Variants in CPSF1 observed in about 807,000 individuals in gnomAD.
CPSF1 encodes cleavage and polyadenylation specificity factor subunit 1.
Under a neutral mutation model 175.8 loss-of-function variants are expected in CPSF1, and 106 were observed. The observed-to-expected ratio is 0.60, with a 90% CI of 0.52 to 0.71. The LOEUF is 0.71. CPSF1 is among the 30% of genes least tolerant of loss of function. CPSF1 has a pLI of 0.00. For missense variants in CPSF1, 1,734 were observed against 2,022.9 expected (o/e 0.86, Z 2.74); for synonymous variants, 1,024 against 858.3 (o/e 1.19, Z -3.37).
Position 144,400,935 on chromosome 8 carries a change from G to A in CPSF1, c.528C>T (p.Leu176=), listed in dbSNP as rs2116879838. Residue 176 remains leucine, a synonymous_variant, in exon 6 of 38, where the codon CTC becomes CTT. Transcript: ENST00000616140. ...RESLAEEHEG[L]VGEGQRSSFL... is the part of the protein sequence containing the mutation. ...CAGCTGGCACTCACCCCTCACCCAC[G>A]AGCCCCTCGTGCTCCTCAGCCAGGC... 1.3e-5 allele frequency: 21 copies of A among 1,604,122 alleles called. No homozygotes were observed. The East Asian group carries it at 1.3e-4, about 10-fold the overall frequency.
Position 144,399,984 on chromosome 8 carries a change from G to C in CPSF1, c.1031+8C>G, listed in dbSNP as rs1340612342. On this transcript the variant is annotated splice_region_variant and intron_variant, in intron 10 of 37. Coordinates refer to ENST00000616140, the MANE Select transcript of CPSF1 (RefSeq NM_013291.3). The surrounding 1 kb of genome is among the most constrained non-coding windows in gnomAD (Gnocchi z 6.4). ...TGGGCAGAGTTCATGGGCGGGGGAG[G>C]GGCTCACATCTCGCCGCCCTTGAGG... 2 of 1,610,766 alleles carry C rather than the reference G, an allele frequency of 1.2e-6. No individual in the cohort carries two copies. Among genetic ancestry groups the C allele is most frequent in the Non-Finnish European group, 1.7e-6 (2 of 1,179,004 alleles).
intron 2 of CPSF1, among the ~76,000 whole-genome samples, chr8:144,404,842 G>T (rs1252331595): frequency 6.6e-6 from 1 of 151,472 alleles, no homozygotes; most frequent in Non-Finnish European, 1.5e-5. Context: ...GGATCACGGG[G>T]TCAGGCGATC....
At chr8:144,402,913 G>C (rs1554867794) in intron 2 of CPSF1, among the ~76,000 whole-genome samples, 2 of 152,154 alleles carry the variant, frequency 1.3e-5, no homozygotes, top group Admixed American at 1.3e-4. Flanking sequence ...CAGGGGTATT[G>C]TAACACAACT....
intron 2 of CPSF1, among the ~76,000 whole-genome samples, chr8:144,404,132 A>G (rs1256385786): frequency 6.6e-6 from 1 of 151,758 alleles, no homozygotes; most frequent in African/African-American, 2.4e-5. Context: ...CTAAGGCAGG[A>G]GAATCGCTTG....
chr8:144,401,958 G>C (rs1422510311), intron 2 of CPSF1, among the ~76,000 whole-genome samples: 1 of 152,204 alleles, frequency 6.6e-6, no homozygotes, highest in African/African-American at 2.4e-5. Flanking sequence ...CAAGCACTCA[G>C]GGTTAGAGTG....
intron 2 of CPSF1, among the ~76,000 whole-genome samples, chr8:144,406,159 A>G (rs2116904418): frequency 5.8e-4 from 1 of 1,720 alleles, no homozygotes; most frequent in East Asian, 0.25. Context: ...CCCGTTTCTT[A>G]AAAACAAAAA....
chr8:144,394,719 G>A lies in CPSF1; in HGVS notation c.3492C>T (p.Tyr1164=), dbSNP rs782055023. 3.9e-5 allele frequency: 63 copies of A among 1,613,314 alleles called. No homozygotes were observed. The highest frequency in any genetic ancestry group is 3.6e-5 in the Non-Finnish European group (42 of 1,179,912). The change falls in exon 31 of 38, where the codon TAC becomes TAT. Residue 1164 remains tyrosine, a synonymous_variant. Coordinates refer to ENST00000616140, the MANE Select transcript of CPSF1 (RefSeq NM_013291.3). ...TCACGGGCCCCTTCTGCTCCTTCTC[G>A]TAAAGGACTTTGAACTTGTTCTTGG... ...PLTKNKFKVL[Y]EKEQKGPVTA...
chr8:144,395,207 A>G, intron 28 of CPSF1, 25 bp from the exon 29 acceptor site: 2 of 1,612,682 alleles, frequency 1.2e-6, no homozygotes, highest in East Asian at 2.2e-5. Flanking sequence ...GGTGACAGTC[A>G]GAGTAGGGCT....
At position 144,399,284 on chromosome 8, in the gene CPSF1, AG is replaced by A; in HGVS notation, c.1383del (p.Ser462ProfsTer9). 1 of 1,612,398 alleles carries A rather than the reference AG, an allele frequency of 6.2e-7. No individual in the cohort carries two copies. Among genetic ancestry groups the A allele is most frequent in the Non-Finnish European group, 8.5e-7 (1 of 1,179,942 alleles). On this transcript the variant is annotated frameshift_variant, in exon 14 of 38. Transcript: ENST00000616140. LOFTEE classifies it high-confidence loss of function. The surrounding 1 kb of genome is among the most constrained non-coding windows in gnomAD (Gnocchi z 6.4). The stretch of plus-strand genomic sequence containing the variant: ...TGCTGCCTCAATCTCACCTCAAAGG[AG>A]TAGGTGGCCAGCTGTGTTCCCGACT... ...EAQSGTQLAT[Y>X]SFEVCDSILN...
rs1180081396 is a variant in CPSF1 at position 144,395,296 on chromosome 8, G to A, written c.3156C>T (p.Gly1052=). 6.2e-7 allele frequency: 1 copy of A among 1,613,304 alleles called. No individual in the cohort carries two copies. Among genetic ancestry groups the A allele is most frequent in the Non-Finnish European group, 8.5e-7 (1 of 1,179,960 alleles). The change falls in exon 28 of 38, where the codon GGC becomes GGT. Residue 1052 remains glycine (G), a synonymous_variant. Transcript: ENST00000616140. ...CGATGGTCTCAAACTCCTTCTCCTC[G>A]CCAGTCATGCGTGGGATGCGGGCAC... ...TPCARIPRMT[G]EEKEFETIER...
intron 2 of CPSF1, among the ~76,000 whole-genome samples, chr8:144,408,361 G>A (rs1446012751): frequency 2.0e-5 from 3 of 152,176 alleles, no homozygotes. Context: ...GAGCAATGGA[G>A]AAACTGCCTC....
chr8:144,393,398 G>GGTGC, intron 37 of CPSF1, 33 bp from the exon 38 acceptor site: 1 of 1,313,874 alleles, frequency 7.6e-7, no homozygotes, highest in Non-Finnish European at 1.0e-6. Context: ...TGGGTGGGTG[G>GGTGC]GTGGGGATGC....
rs1821355831 is a variant in CPSF1, at chr8:144,403,903, G to A, written c.145-2230C>T. 3.3e-5 allele frequency among the ~76,000 whole-genome samples: 5 copies of A among 151,712 alleles called. No homozygotes were observed. The South Asian group carries it at 1.0e-3, about 32-fold the overall frequency. On this transcript the variant is annotated intron_variant, in intron 2 of 37. Coordinates refer to ENST00000616140, the MANE Select transcript of CPSF1 (RefSeq NM_013291.3). The stretch of plus-strand genomic sequence containing the variant: ...AAAGTCTACAGCAATGTGGTGCTGG[G>A]AGTGAAACATTACAAGTTTTCCCTT...
At position 144,400,403 on chromosome 8, in the gene CPSF1, G is replaced by T. The variant is rs1554866260; in HGVS notation, c.777C>A (p.Thr259=). The change falls in exon 8 of 38, where the codon ACC becomes ACA. Residue 259 remains threonine, a synonymous_variant. Coordinates refer to ENST00000616140, the MANE Select transcript of CPSF1 (RefSeq NM_013291.3). Reference sequence around the variant, plus strand: ...CCTGGGTGCAGTCAAAGGGCAGGCTGGTGAGGGACCAGATGACGGGGTGCA... The same window carrying T: ...CCTGGGTGCAGTCAAAGGGCAGGCTTGTGAGGGACCAGATGACGGGGTGCA... ...QKVHPVIWSL[T]SLPFDCTQAL... is the part of the protein sequence containing the mutation. 1 of 1,613,744 alleles carries T rather than the reference G, an allele frequency of 6.2e-7. No homozygotes were observed. Among genetic ancestry groups the T allele is most frequent in the Non-Finnish European group, 8.5e-7 (1 of 1,179,986 alleles).
intron 2 of CPSF1, among the ~76,000 whole-genome samples, chr8:144,403,077 T>G (rs1554867865): frequency 6.7e-6 from 1 of 148,264 alleles, no homozygotes; most frequent in Non-Finnish European, 1.5e-5. Flanking sequence ...AAACTCCTAG[T>G]AAAGCAAAAA....
rs1469185567 is a variant in CPSF1 at position 144,400,262 on chromosome 8, A to C, written c.841T>G (p.Phe281Val). The change falls in exon 9 of 38, where the codon TTT becomes GTT. Residue 281 changes from phenylalanine to valine, a missense_variant. This residue lies in a region of CPSF1 where 61 missense variants were observed against 104.0 expected (regional missense o/e 0.59). Transcript: ENST00000616140. ...AGGTACAACAGCGAGTTGACGGCAA[A>C]CACCACCACCCCACCTGGAGGTGGA... Reference protein sequence around the residue: ...VPKPIGGVVVFAVNSLLYLNQ... With the variant: ...VPKPIGGVVVVAVNSLLYLNQ... 1.0e-5 allele frequency: 16 copies of C among 1,600,406 alleles called. No homozygotes were observed. The highest frequency in any genetic ancestry group is 1.3e-5 in the African/African-American group (1 of 74,562).
rs1285640118 is a variant in CPSF1 at position 144,399,385 on chromosome 8, G to C, written c.1295-12C>G. ...CGACTTACCCGCAGCTGCACACAGA[G>C]AGCCCACTTGAGCGCAGCCCTGGGT... On this transcript the variant is annotated splice_polypyrimidine_tract_variant and intron_variant, in intron 13 of 37. Transcript: ENST00000616140. This position sits in a 1 kb window ranked among gnomAD's most constrained non-coding sequence, Gnocchi z 6.4. The C allele has an allele frequency of 1.5e-5, 24 of 1,612,710 alleles. No homozygotes were observed. The highest frequency in any genetic ancestry group is 8.9e-5 in the East Asian group (4 of 44,892).
At position 144,401,444 on chromosome 8, in the gene CPSF1, A is replaced by T. The variant is rs1294101770; in HGVS notation, c.292T>A (p.Phe98Ile). The T allele has an allele frequency of 9.9e-6, 16 of 1,613,882 alleles. No homozygotes were observed. Among genetic ancestry groups the T allele is most frequent in the Non-Finnish European group, 1.4e-5 (16 of 1,179,992 alleles). The change falls in exon 4 of 38, where the codon TTC (phenylalanine) becomes ATC (isoleucine). Residue 98 changes from phenylalanine (F) to isoleucine (I), a missense_variant. Coordinates refer to ENST00000616140, the MANE Select transcript of CPSF1 (RefSeq NM_013291.3). ...CTACCACTCACCTTGGCATCCTTGA[A>T]GCTTAGGAGCAGGGCATCCCGCTTG... ...GAKRDALLLS[F>I]KDAKLSVVEY...
At chr8:144,405,917 T>G (rs1821476398) in intron 2 of CPSF1, among the ~76,000 whole-genome samples, 1 of 152,180 alleles carries the variant, frequency 6.6e-6, no homozygotes, top group Non-Finnish European at 1.5e-5. Flanking sequence ...ACATCTAGCC[T>G]GTCCCCAGCT....
Sources: gnomAD v4.1 joint callset for allele counts (sites outside exome capture counted in the v4.1 genomes callset) on GRCh38, gnomAD v4.1.1 for gene constraint, gnomAD v4.1.1 regional missense constraint, Gnocchi (gnomAD v3.1) non-coding constraint, MANE v1.5 for transcripts, NCBI Gene and HGNC (gene_info 2026-07-23, HGNC 2026-07-21) for gene names.